The following GCC2 variants were observed in gnomAD, a reference collection of about 807,000 sequenced individuals.
GCC2 encodes the protein GRIP and coiled-coil domain containing 2, also known as GRIP and coiled-coil domain-containing protein 2.
GCC2 carries 120 observed loss-of-function variants against 210.6 expected under a neutral mutation model. The ratio of observed to expected loss-of-function variants is 0.57; its 90% CI spans 0.49 to 0.66. The LOEUF is 0.66. Ranked by LOEUF, GCC2 falls within the 30% of genes least tolerant of loss-of-function variation. The probability of loss-of-function intolerance (pLI) is 0.00; values close to 1 mark genes in which losing one functional copy is unlikely to be tolerated. For missense variants in GCC2, 1,868 were observed against 1,871.9 expected (o/e 1.00, Z 0.04); for synonymous variants, 703 against 652.7 (o/e 1.08, Z -1.17).
At chr2:108,453,510 T>A (rs1356887973) in intron 4 of GCC2, among the ~76,000 whole-genome samples, 1 of 152,132 alleles carries the variant, frequency 6.6e-6, no homozygotes, top group East Asian at 1.9e-4. Flanking sequence ...GCAGGCCAAA[T>A]GCAGTGGCTC....
intron 17 of GCC2, 81 bp from the exon 18 acceptor site, chr2:108,489,757 A>T: frequency 2.2e-6 from 2 of 891,646 alleles, no homozygotes; most frequent in Non-Finnish European, 3.4e-6. Flanking sequence ...TTGAAAGGTT[A>T]AATGGTTAAA....
intron 4 of GCC2, among the ~76,000 whole-genome samples, chr2:108,464,486 A>G (rs907752618): frequency 3.9e-5 from 6 of 152,284 alleles, no homozygotes; most frequent in Middle Eastern, 3.4e-3. Context: ...AGCTTTCAGG[A>G]AACTCCCTTT....
chr2:108,496,794 G>A, intron 20 of GCC2, 176 bp from the exon 21 acceptor site: 1 of 864,842 alleles, frequency 1.2e-6, no homozygotes, highest in Non-Finnish European at 1.7e-6. Context: ...TGTTTTATTT[G>A]TGTCACCTAC....
chr2:108,502,923 CA>C (rs34464118), intron 22 of GCC2, among the ~76,000 whole-genome samples: 71,650 of 116,052 alleles, frequency 0.62, 19,333 homozygotes, highest in East Asian at 0.94. Flanking sequence ...AACCCTGTCT[CA>C]AAAAAAAAAA....
At chr2:108,497,341 C>T (rs907492344) in intron 21 of GCC2, among the ~76,000 whole-genome samples, 1 of 152,216 alleles carries the variant, frequency 6.6e-6, no homozygotes, top group Non-Finnish European at 1.5e-5. Flanking sequence ...TGGTCTCGAT[C>T]TCCTGACCTC....
intron 4 of GCC2, among the ~76,000 whole-genome samples, chr2:108,463,520 G>A (rs1042634801): frequency 6.6e-6 from 1 of 152,182 alleles, no homozygotes; most frequent in East Asian, 1.9e-4. Context: ...GCAGTTGTTA[G>A]TGGAGGCTGT....
chr2:108,475,344 A>G (rs1293421116), intron 7 of GCC2, 191 bp from the exon 8 acceptor site: 1 of 395,360 alleles, frequency 2.5e-6, no homozygotes, highest in African/African-American at 2.1e-5. Flanking sequence ...GACAATGGAA[A>G]CTTTTTACAT....
At chr2:108,469,158 T>TA (rs1681055517) in intron 5 of GCC2, 74 bp downstream of exon 5, 1 of 806,808 alleles carries the variant, frequency 1.2e-6, no homozygotes, top group Non-Finnish European at 2.1e-6. Flanking sequence ...AGGTAAGACT[T>TA]TAAAAAGCAT....
At chr2:108,501,780 G>C (rs1269871415) in intron 22 of GCC2, among the ~76,000 whole-genome samples, 1 of 152,068 alleles carries the variant, frequency 6.6e-6, no homozygotes, top group Non-Finnish European at 1.5e-5. Flanking sequence ...GAGAACCCCT[G>C]GTCTAGAGGC....
intron 7 of GCC2, among the ~76,000 whole-genome samples, chr2:108,474,139 CAG>C (rs1249974498): frequency 6.6e-6 from 1 of 152,050 alleles, no homozygotes; most frequent in Non-Finnish European, 1.5e-5. Flanking sequence ...GCCTGGGCGA[CAG>C]AGGGAGACTC....
intron 4 of GCC2, among the ~76,000 whole-genome samples, chr2:108,455,523 A>G (rs1299497272): frequency 6.6e-6 from 1 of 151,228 alleles, no homozygotes; most frequent in Non-Finnish European, 1.5e-5. Flanking sequence ...CTGATCCATT[A>G]TATTTATACG....
chr2:108,499,213 C>T (rs1480538068), intron 21 of GCC2, among the ~76,000 whole-genome samples: 1 of 151,952 alleles, frequency 6.6e-6, no homozygotes, highest in Non-Finnish European at 1.5e-5. Flanking sequence ...CTACTTCACC[C>T]CTCTTCCTTC....
intron 4 of GCC2, 88 bp from the exon 5 acceptor site, chr2:108,468,892 T>C: frequency 2.6e-6 from 2 of 781,864 alleles, no homozygotes; most frequent in Admixed American, 4.2e-5. Context: ...CTCACTTCAG[T>C]GTGTTTTGAA....
intron 16 of GCC2, 112 bp from the exon 17 acceptor site, chr2:108,487,587 C>A: frequency 1.0e-6 from 1 of 957,802 alleles, no homozygotes; most frequent in Non-Finnish European, 1.6e-6. Flanking sequence ...AGAATGTCAG[C>A]CATTTTTCTC....
rs1681227711 is a variant in GCC2 at position 108,471,661 on chromosome 2, G to A, written c.2332G>A (p.Asp778Asn). 6.2e-7 allele frequency: 1 copy of A among 1,613,394 alleles called. No homozygotes were observed. The highest frequency in any genetic ancestry group is 8.5e-7 in the Non-Finnish European group (1 of 1,179,530). ...SEVSEDSEEK[D>N]VVNVLQAVGE... The stretch of plus-strand genomic sequence containing the variant: ...AGTTTCAGAAGACAGTGAAGAGAAA[G>A]ATGTTGTTAATGTCCTACAGGCAGT... Residue 778 changes from aspartate (D) to asparagine (N), a missense_variant, in exon 6 of 23, where the codon GAT becomes AAT. Around this residue, in one of 3 missense-constraint regions of GCC2, gnomAD observed 1,847 missense variants for 1,765.2 expected, o/e 1.05. Coordinates refer to ENST00000309863, the MANE Select transcript of GCC2 (RefSeq NM_181453.4).
At chr2:108,473,813 G>T (rs1246052909) in intron 7 of GCC2, among the ~76,000 whole-genome samples, 3 of 152,098 alleles carry the variant, frequency 2.0e-5, no homozygotes, top group African/African-American at 7.2e-5. Flanking sequence ...GTTAAGGGGA[G>T]AGAGCTAAGC....
In GCC2 at chr2:108,482,463, C is replaced by T. The variant is rs1286561405; in HGVS notation, c.3345+12C>T. On this transcript the variant is annotated intron_variant, in intron 11 of 22. Transcript: ENST00000309863. The stretch of plus-strand genomic sequence containing the variant: ...AACAGAAGATAAAGGTAAAAACAAT[C>T]CTATGAGATTGATTCACATATATAT... The T allele has an allele frequency of 7.4e-7, 1 of 1,351,148 alleles. No homozygotes were observed. The highest frequency in any genetic ancestry group is 2.3e-5 in the East Asian group (1 of 43,542). The allele number at this position is 1,351,148 out of a possible 1,614,324, so 83.7% of individuals were successfully genotyped here.
chr2:108,488,311 C>A (rs530936912), intron 17 of GCC2, among the ~76,000 whole-genome samples: 127 of 152,242 alleles, frequency 8.3e-4, no homozygotes, highest in African/African-American at 3.0e-3. Context: ...AGGGAAACTT[C>A]ATTACAAAGA....
At chr2:108,452,258 C>T in intron 3 of GCC2, 141 bp from the exon 4 acceptor site, 1 of 656,812 alleles carries the variant, frequency 1.5e-6, no homozygotes, top group South Asian at 1.7e-5. Context: ...GTGATGAGTG[C>T]AGAGATTAAT....
Sources: allele counts gnomAD v4.1 joint callset (sites outside exome capture counted in the v4.1 genomes callset), GRCh38; gene constraint gnomAD v4.1.1; regional missense constraint gnomAD v4.1.1; transcripts MANE v1.5; gene names NCBI Gene and HGNC (gene_info 2026-07-23, HGNC 2026-07-21).